NCAM2: variants seen among roughly 807,000 people sequenced by gnomAD.
NCAM2 encodes the protein neural cell adhesion molecule 2.
NCAM2 carries 30 observed loss-of-function variants against 98.1 expected under a neutral mutation model. The observed-to-expected ratio is 0.31, with a 90% confidence interval of 0.23 to 0.41. NCAM2 has a LOEUF of 0.41. Ranked by LOEUF, NCAM2 falls within the 10% of genes least tolerant of loss-of-function variation. The pLI, the probability that NCAM2 is intolerant of heterozygous loss-of-function variation, is 1.00. For synonymous variants in NCAM2, 368 were observed against 342.4 expected (o/e 1.07, Z -0.83); for missense variants, 867 against 1,005.8 (o/e 0.86, Z 1.87).
chr21:21,108,487 A>T (rs989261139), intron 1 of NCAM2, among the ~76,000 whole-genome samples: 2 of 152,176 alleles, frequency 1.3e-5, no homozygotes, highest in Non-Finnish European at 2.9e-5. Context: ...AGCTCTGGCT[A>T]TGAAGTTAAG....
rs1415062629 is a variant in NCAM2, at chr21:21,526,594, C to G, written c.2283-7943C>G. Reference sequence around the variant, plus strand: ...AGTCAGTGTAATCCCAACAAAATCACAAGTCATTATATGAATATTGACAAA... The same window carrying G: ...AGTCAGTGTAATCCCAACAAAATCAGAAGTCATTATATGAATATTGACAAA... On this transcript the variant is annotated intron_variant, in intron 16 of 17. Transcript: ENST00000400546. Among the ~76,000 whole-genome samples, 3 of 152,148 alleles carry G rather than the reference C, an allele frequency of 2.0e-5. No individual in the cohort carries two copies. The East Asian group carries it at 5.8e-4, about 29-fold the overall frequency.
At chr21:21,431,046 C>CAAAAAAAAAAAAAAAAAAAAAAAAAAAA (rs34613152) in intron 11 of NCAM2, among the ~76,000 whole-genome samples, 1 of 64,062 alleles carries the variant, frequency 1.6e-5, no homozygotes, top group Non-Finnish European at 2.8e-5. Flanking sequence ...AACTCCGTCT[C>CAAAAAAAAAAAAAAAAAAAAAAAAAAAA]AAAAAAAAAA....
intron 1 of NCAM2, among the ~76,000 whole-genome samples, chr21:21,212,782 G>C (rs763359607): frequency 1.2e-4 from 17 of 136,718 alleles, no homozygotes; most frequent in Non-Finnish European, 2.4e-4. Flanking sequence ...TTGCTCTGTC[G>C]CCCAGGCTGG....
intron 12 of NCAM2, among the ~76,000 whole-genome samples, chr21:21,454,785 A>T (rs556569357): frequency 6.2e-4 from 95 of 152,088 alleles, no homozygotes; most frequent in African/African-American, 2.1e-3. Context: ...GCGGGCTTTT[A>T]AAAAACCAGG....
At chr21:21,029,072 T>G (rs1229475595) in intron 1 of NCAM2, among the ~76,000 whole-genome samples, 7 of 152,208 alleles carry the variant, frequency 4.6e-5, no homozygotes, top group Non-Finnish European at 8.8e-5. Context: ...TAACATGTTT[T>G]AGTGTAGGTA....
At chr21:21,085,401 G>T (rs1029293240) in intron 1 of NCAM2, among the ~76,000 whole-genome samples, 6 of 151,952 alleles carry the variant, frequency 3.9e-5, no homozygotes, top group Non-Finnish European at 8.8e-5. Context: ...CATCTGCTCC[G>T]ATTATCTCTC....
chr21:21,083,224 T>C (rs2146415425), intron 1 of NCAM2, among the ~76,000 whole-genome samples: 1 of 152,306 alleles, frequency 6.6e-6, no homozygotes, highest in African/African-American at 2.4e-5. Context: ...GATATTTGGA[T>C]AGATGACTGA....
At chr21:21,115,075 C>A (rs1458827674) in intron 1 of NCAM2, among the ~76,000 whole-genome samples, 1 of 152,112 alleles carries the variant, frequency 6.6e-6, no homozygotes, top group Non-Finnish European at 1.5e-5. Flanking sequence ...CCTGCCTCAG[C>A]CTCCCAAAGT....
intron 12 of NCAM2, among the ~76,000 whole-genome samples, chr21:21,455,917 G>A (rs1244928357): frequency 6.6e-6 from 1 of 151,696 alleles, no homozygotes; most frequent in East Asian, 1.9e-4. Context: ...ATAGAAGAAT[G>A]GCTTAGCAAA....
chr21:21,481,160 T>C (rs143957360), intron 15 of NCAM2, among the ~76,000 whole-genome samples: 7 of 152,250 alleles, frequency 4.6e-5, no homozygotes, highest in African/African-American at 1.7e-4. Flanking sequence ...TGTTTGCCAG[T>C]AACTAGAAGG....
At chr21:21,042,443 CAAA>C in intron 1 of NCAM2, among the ~76,000 whole-genome samples, 1 of 152,274 alleles carries the variant, frequency 6.6e-6, no homozygotes, top group African/African-American at 2.4e-5. Context: ...CTCGGCCTCC[CAAA>C]GTGCTGGGAT....
intron 1 of NCAM2, among the ~76,000 whole-genome samples, chr21:21,066,415 T>TACACAC (rs769061304): frequency 6.7e-6 from 1 of 149,144 alleles, no homozygotes; most frequent in African/African-American, 2.4e-5. Flanking sequence ...TTTTATAACA[T>TACACAC]ATACACACAC....
intron 1 of NCAM2, among the ~76,000 whole-genome samples, chr21:21,268,446 G>A (rs1382914727): frequency 6.6e-6 from 1 of 152,184 alleles, no homozygotes. Flanking sequence ...TCCTTGCAGT[G>A]TTTAACGTTG....
intron 1 of NCAM2, among the ~76,000 whole-genome samples, chr21:21,118,296 A>G (rs918985051): frequency 6.6e-6 from 1 of 152,204 alleles, no homozygotes; most frequent in Non-Finnish European, 1.5e-5. Context: ...TGCCTGTCCT[A>G]ACGAGTTATT....
chr21:21,477,541 A>G, intron 15 of NCAM2, 70 bp downstream of exon 15: 5 of 1,192,732 alleles, frequency 4.2e-6, no homozygotes, highest in Non-Finnish European at 5.6e-6. Context: ...ACCCTTACTG[A>G]CTTTTCTTAT....
chr21:21,269,222 TC>T (rs1568863201), intron 1 of NCAM2, among the ~76,000 whole-genome samples: 1 of 152,182 alleles, frequency 6.6e-6, no homozygotes, highest in African/African-American at 2.4e-5. Context: ...AACATAAATG[TC>T]CCTGGCTATA....
At chr21:21,253,783 G>A (rs1326542827) in intron 1 of NCAM2, among the ~76,000 whole-genome samples, 2 of 152,054 alleles carry the variant, frequency 1.3e-5, no homozygotes, top group Non-Finnish European at 1.5e-5. Context: ...AAATGCTTAC[G>A]CTATGAACTT....
intron 1 of NCAM2, among the ~76,000 whole-genome samples, chr21:21,063,446 C>T (rs1399977822): frequency 6.6e-6 from 1 of 151,820 alleles, no homozygotes; most frequent in East Asian, 1.9e-4. Flanking sequence ...GTCTTGAGCT[C>T]CTGGCCTCAA....
At chr21:21,426,247 T>C (rs2077211609) in intron 11 of NCAM2, among the ~76,000 whole-genome samples, 4 of 152,100 alleles carry the variant, frequency 2.6e-5, no homozygotes. Context: ...TAAAACCTTA[T>C]AGAAGTAAGG....
Sources: allele counts gnomAD v4.1 joint callset (sites outside exome capture counted in the v4.1 genomes callset), GRCh38; gene constraint gnomAD v4.1.1; transcripts MANE v1.5; gene names NCBI Gene and HGNC (gene_info 2026-07-23, HGNC 2026-07-21).